RUFY1: variants seen among roughly 807,000 people sequenced by gnomAD.
RUFY1 encodes the protein RUN and FYVE domain containing 1.
RUFY1 carries 54 observed loss-of-function variants against 94.6 expected under a neutral mutation model. The observed-to-expected ratio is 0.57, with a 90% CI of 0.46 to 0.72. The LOEUF (loss-of-function observed/expected upper bound fraction) is 0.72, where lower values mean the gene tolerates loss of function less well. Ranked by LOEUF, RUFY1 falls within the 30% of genes least tolerant of loss-of-function variation. The probability of loss-of-function intolerance (pLI) is 0.00; values close to 1 mark genes in which losing one functional copy is unlikely to be tolerated. For missense variants in RUFY1, 883 were observed against 883.9 expected, an observed-to-expected ratio of 1.00 and a Z score of 0.01; for synonymous variants, 396 against 347.3, an observed-to-expected ratio of 1.14 and a Z score of -1.56.
chr5:179,608,467 T>A, intron 17 of RUFY1: 1 of 985,494 alleles, frequency 1.0e-6, no homozygotes, highest in Middle Eastern at 5.2e-4. Flanking sequence ...GCTGCACAGG[T>A]GCTCATCTTG....
chr5:179,606,241 C>T (rs1767069093), intron 16 of RUFY1: 1 of 389,274 alleles, frequency 2.6e-6, no homozygotes, highest in African/African-American at 2.1e-5. Context: ...TATCTTTAAA[C>T]AGTGGAAAAC....
At chr5:179,592,996 A>G (rs1765238860) in intron 10 of RUFY1, among the ~76,000 whole-genome samples, 2 of 152,188 alleles carry the variant, frequency 1.3e-5, no homozygotes, top group South Asian at 4.1e-4. Flanking sequence ...CAGTGAGGAA[A>G]AGGGCAAACA....
chr5:179,579,858 G>C (rs1034494758), intron 6 of RUFY1, among the ~76,000 whole-genome samples: 4 of 151,020 alleles, frequency 2.6e-5, no homozygotes, highest in African/African-American at 9.7e-5. Flanking sequence ...TAGTAGAGAC[G>C]AGGTTTCACC....
At chr5:179,551,081 C>T (rs1581403094) in intron 1 of RUFY1, among the ~76,000 whole-genome samples, 1 of 134,526 alleles carries the variant, frequency 7.4e-6, no homozygotes, top group East Asian at 2.2e-4. Flanking sequence ...CCCCGCGTGC[C>T]TGAGCGCGCT....
Position 179,560,201 on chromosome 5 carries a change from G to A in RUFY1, c.484+3G>A, listed in dbSNP as rs1388336688. On this transcript the variant is annotated splice_donor_region_variant and intron_variant, in intron 2 of 17. Coordinates refer to ENST00000319449, the MANE Select transcript of RUFY1 (RefSeq NM_025158.5). ...CTGCCTCAAACATGGGCTGAAAGGT[G>A]AGCCTGAGGGGGCGTTTGGGAGCGT... The A allele has an allele frequency of 4.3e-6, 7 of 1,610,310 alleles. No homozygotes were observed. Among genetic ancestry groups the A allele is most frequent in the Non-Finnish European group, 5.9e-6 (7 of 1,177,068 alleles).
intron 8 of RUFY1, among the ~76,000 whole-genome samples, chr5:179,586,723 G>A (rs527573486): frequency 3.9e-5 from 6 of 152,222 alleles, no homozygotes; most frequent in South Asian, 4.1e-4. Context: ...AATTCAAGAC[G>A]GTGTCACAGA....
chr5:179,603,265 CAA>C (rs11336898), intron 15 of RUFY1, among the ~76,000 whole-genome samples: 27 of 145,906 alleles, frequency 1.9e-4, no homozygotes, highest in South Asian at 4.3e-4. Context: ...GAATCCATCT[CAA>C]AAAAAAAAAA....
chr5:179,560,345 C>G, intron 2 of RUFY1, 147 bp downstream of exon 2: 1 of 1,004,422 alleles, frequency 1.0e-6, no homozygotes, highest in Non-Finnish European at 1.4e-6. Flanking sequence ...AAGCGACGTC[C>G]TAGAGCAGCG....
chr5:179,609,653 G>T lies in RUFY1; in HGVS notation c.*134G>T, dbSNP rs914463580. On this transcript the variant is annotated 3_prime_UTR_variant, in exon 18 of 18. Coordinates refer to ENST00000319449, the MANE Select transcript of RUFY1 (RefSeq NM_025158.5). ...TTCTTGCCCGGTCACTGGCACTCCA[G>T]AAGACAGCGTGCCGGAACCGGCAGC... The T allele has an allele frequency of 1.1e-5, 10 of 874,906 alleles. No homozygotes were observed. In the South Asian group the frequency reaches 1.4e-4, roughly 12 times the overall value. The allele number at this position is 874,906 out of a possible 1,614,324, so 54.2% of individuals were successfully genotyped here. A position where few individuals can be genotyped will look rare whatever the true frequency, so the allele number is the denominator to read the frequency against.
rs1469545249 is a variant in RUFY1 at position 179,594,876 on chromosome 5, G to A, written c.1424G>A (p.Ser475Asn). ...QMFHKAQNAE[S>N]SLQQKNEAIT... The stretch of plus-strand genomic sequence containing the variant: ...CCTTTGCTTTTGTAGAATGCAGAGA[G>A]CAGTTTGCAGCAGAAGAATGAAGCC... The change falls in exon 12 of 18, where the codon AGC becomes AAC. Residue 475 changes from serine to asparagine, a missense_variant. Ser to Asn is a conservative substitution (Grantham distance 46). Transcript: ENST00000319449. 1 of 1,611,954 alleles carries A rather than the reference G, an allele frequency of 6.2e-7. No homozygotes were observed.
At chr5:179,593,297 C>A (rs920175919) in intron 10 of RUFY1, among the ~76,000 whole-genome samples, 181 bp from the exon 11 acceptor site, 2 of 152,002 alleles carry the variant, frequency 1.3e-5, no homozygotes, top group African/African-American at 4.8e-5. Flanking sequence ...AGGCTGCTCT[C>A]GAACTCCTGG....
chr5:179,567,075 A>C (rs751018198), intron 3 of RUFY1, among the ~76,000 whole-genome samples: 3 of 151,842 alleles, frequency 2.0e-5, no homozygotes, highest in Non-Finnish European at 4.4e-5. Flanking sequence ...AAAATAAAAA[A>C]TAAAAAGTAC....
chr5:179,577,988 C>T (rs571241955), intron 6 of RUFY1, among the ~76,000 whole-genome samples: 3 of 152,030 alleles, frequency 2.0e-5, no homozygotes, highest in South Asian at 4.1e-4. Flanking sequence ...AGGAATTTGG[C>T]TCTGCAGAAG....
intron 16 of RUFY1, 34 bp from the exon 17 acceptor site, chr5:179,607,546 CAG>C: frequency 3.1e-6 from 5 of 1,595,260 alleles, no homozygotes; most frequent in Non-Finnish European, 4.3e-6. Context: ...GGGGCTTAGA[CAG>C]AAAGTGGATT....
At position 179,596,673 on chromosome 5, in the gene RUFY1, C is replaced by A; in HGVS notation, c.1623C>A (p.His541Gln). The change falls in exon 13 of 18, where the codon CAC becomes CAA. Residue 541 changes from histidine to glutamine, a missense_variant. Transcript: ENST00000319449. ...TGCAGCTGCAGCTCTCCCAGCTGCA[C>A]GAGCAATGGTAGGGGCCCTGCAGGG... Reference protein sequence around the residue: ...GALQLQLSQLHEQCSSLEKEL... With the variant: ...GALQLQLSQLQEQCSSLEKEL... 1 of 1,600,864 alleles carries A rather than the reference C, an allele frequency of 6.2e-7. No homozygotes were observed. The highest frequency in any genetic ancestry group is 1.7e-5 in the Admixed American group (1 of 57,764).
intron 14 of RUFY1, 48 bp from the exon 15 acceptor site, chr5:179,601,832 AAAAAAAAAAAAG>A: frequency 8.8e-7 from 1 of 1,141,518 alleles, no homozygotes; most frequent in Non-Finnish European, 1.2e-6. Context: ...AAAAAAAAAA[AAAAAAAAAAAAG>A]GACCGTGTAA....
intron 17 of RUFY1, among the ~76,000 whole-genome samples, chr5:179,607,886 G>A (rs1481035056): frequency 6.6e-6 from 1 of 152,252 alleles, no homozygotes; most frequent in Non-Finnish European, 1.5e-5. Context: ...CTGGTCTCCA[G>A]CACATCCTTT....
intron 5 of RUFY1, 59 bp from the exon 6 acceptor site, chr5:179,577,016 T>C: frequency 8.7e-7 from 1 of 1,152,662 alleles, no homozygotes; most frequent in Non-Finnish European, 1.3e-6. Flanking sequence ...TTTCAAAGGT[T>C]GTAAAGTTTA....
intron 1 of RUFY1, chr5:179,555,730 C>T (rs918058206): frequency 8.3e-5 from 31 of 373,162 alleles, no homozygotes; most frequent in Admixed American, 7.0e-4. Context: ...CAGGTTCAAG[C>T]GATTCTCCTG....
Sources: gnomAD v4.1 joint callset for allele counts (sites outside exome capture counted in the v4.1 genomes callset) on GRCh38, gnomAD v4.1.1 for gene constraint, MANE v1.5 for transcripts, NCBI Gene and HGNC (gene_info 2026-07-23, HGNC 2026-07-21) for gene names.